The following ERBB4 variants were observed in gnomAD, a reference collection of about 807,000 sequenced individuals.
ERBB4 encodes receptor tyrosine-protein kinase erbB-4.
A neutral mutation model predicts 158.0 loss-of-function variants in ERBB4; 42 were observed. The observed-to-expected ratio is 0.27, with a 90% CI of 0.21 to 0.34. ERBB4 has a LOEUF of 0.34. Ranked by LOEUF, ERBB4 falls within the 10% of genes least tolerant of loss-of-function variation. ERBB4 has a pLI of 1.00. For missense variants in ERBB4, 1,333 were observed against 1,624.1 expected, an observed-to-expected ratio of 0.82 and a Z score of 3.08; for synonymous variants, 583 against 558.7, an observed-to-expected ratio of 1.04 and a Z score of -0.61.
chr2:212,306,789 T>C (rs944136644), intron 1 of ERBB4, among the ~76,000 whole-genome samples: 1 of 151,326 alleles, frequency 6.6e-6, no homozygotes, highest in Non-Finnish European at 1.5e-5. Context: ...TTGGAAATGT[T>C]TATTATGAAG....
At chr2:212,323,288 A>G (rs12993440) in intron 1 of ERBB4, among the ~76,000 whole-genome samples, 18,214 of 150,484 alleles carry the variant, frequency 0.12, 2,394 homozygotes, top group African/African-American at 0.29. Context: ...CAAATTAGCC[A>G]TCATCCTATC....
chr2:211,599,513 C>CTGTGTGTGTGTGTG (rs6147153), intron 19 of ERBB4, among the ~76,000 whole-genome samples: 123 of 140,904 alleles, frequency 8.7e-4, no homozygotes, highest in Middle Eastern at 3.6e-3. Flanking sequence ...ATAATTTCTT[C>CTGTGTGTGTGTGTG]TGTGTGTGTG....
intron 20 of ERBB4, among the ~76,000 whole-genome samples, chr2:211,508,474 CA>C (rs1411364610): frequency 3.3e-5 from 5 of 152,104 alleles, no homozygotes; most frequent in Non-Finnish European, 7.4e-5. Flanking sequence ...AGTCAGGAAA[CA>C]ACAGATGCCG....
At chr2:212,192,024 A>ATATGTTATATAT (rs1490068464) in intron 1 of ERBB4, among the ~76,000 whole-genome samples, 2 of 39,274 alleles carry the variant, frequency 5.1e-5, no homozygotes, top group South Asian at 4.3e-4. Flanking sequence ...GTTATATGTT[A>ATATGTTATATAT]TATATGTTAT....
At chr2:211,978,913 A>G (rs891721689) in intron 2 of ERBB4, among the ~76,000 whole-genome samples, 2 of 152,178 alleles carry the variant, frequency 1.3e-5, no homozygotes, top group Non-Finnish European at 2.9e-5. Context: ...TTTTCCTGTA[A>G]TTCAACTTCT....
At chr2:211,474,068 A>T (rs945181354) in intron 20 of ERBB4, among the ~76,000 whole-genome samples, 57 of 152,090 alleles carry the variant, frequency 3.7e-4, no homozygotes, top group African/African-American at 1.3e-3. Flanking sequence ...GGCCAAAAAC[A>T]AAAAAATCTA....
At chr2:212,184,014 A>C (rs916746931) in intron 1 of ERBB4, among the ~76,000 whole-genome samples, 12 of 152,150 alleles carry the variant, frequency 7.9e-5, no homozygotes, top group African/African-American at 2.9e-4. Context: ...TCATTAAATC[A>C]TATTTATGAA....
chr2:212,266,249 CT>C (rs2085132879), intron 1 of ERBB4, among the ~76,000 whole-genome samples: 1 of 151,626 alleles, frequency 6.6e-6, no homozygotes, highest in Admixed American at 6.6e-5. Flanking sequence ...TAATTTTTTT[CT>C]CAAATATCTT....
Position 211,916,399 on chromosome 2 carries a change from C to T in ERBB4, c.421+31031G>A, listed in dbSNP as rs754647129. Reference sequence around the variant, plus strand: ...TTCACCATGTTGGCTAGGCTGGTCTCGAACTCCTGACCTCAGGTGATCTGT... The same window carrying T: ...TTCACCATGTTGGCTAGGCTGGTCTTGAACTCCTGACCTCAGGTGATCTGT... On this transcript the variant is annotated intron_variant, in intron 3 of 27. Coordinates refer to ENST00000342788, the MANE Select transcript of ERBB4 (RefSeq NM_005235.3). Among the ~76,000 whole-genome samples, 15 of 152,050 alleles carry T rather than the reference C, an allele frequency of 9.9e-5. No homozygotes were observed. The Middle Eastern group carries it at 0.01, about 103-fold the overall frequency.
chr2:211,557,556 A>G (rs1336223068), intron 20 of ERBB4, among the ~76,000 whole-genome samples: 2 of 151,996 alleles, frequency 1.3e-5, no homozygotes, highest in Non-Finnish European at 2.9e-5. Context: ...AATCAAAACC[A>G]CAAAAAGATA....
At chr2:211,893,076 A>T (rs2079010723) in intron 3 of ERBB4, among the ~76,000 whole-genome samples, 1 of 147,378 alleles carries the variant, frequency 6.8e-6, no homozygotes, top group Non-Finnish European at 1.5e-5. Context: ...GTTCATATGG[A>T]ACCAAAAAAG....
intron 1 of ERBB4, among the ~76,000 whole-genome samples, chr2:212,255,652 T>C (rs1228934091): frequency 6.6e-6 from 1 of 152,132 alleles, no homozygotes; most frequent in Admixed American, 6.6e-5. Flanking sequence ...TGGTAGAGCA[T>C]CCCTAAGCTG....
rs113803837 is a variant in ERBB4 at position 212,131,836 on chromosome 2, C to A, written c.83-6933G>T. On this transcript the variant is annotated intron_variant, in intron 1 of 27. Coordinates refer to ENST00000342788, the MANE Select transcript of ERBB4 (RefSeq NM_005235.3). The stretch of plus-strand genomic sequence containing the variant: ...GCAATGAATGTTTGTGTCACCTCAA[C>A]AGGTAAAGAACCATAACCAACTGAG... Among the ~76,000 whole-genome samples the A allele has an allele frequency of 6.9e-3, 1,053 of 152,242 alleles. 7 individuals are homozygous for A. The highest frequency in any genetic ancestry group is 0.024 in the Middle Eastern group (7 of 294).
intron 1 of ERBB4, among the ~76,000 whole-genome samples, chr2:212,405,231 GA>G (rs926108034): frequency 1.3e-5 from 2 of 151,812 alleles, no homozygotes; most frequent in Admixed American, 6.6e-5. Context: ...ACAAGCATAT[GA>G]AAAAAAATTT....
At chr2:211,582,015 A>G (rs991652430) in intron 19 of ERBB4, among the ~76,000 whole-genome samples, 2 of 152,078 alleles carry the variant, frequency 1.3e-5, no homozygotes, top group African/African-American at 2.4e-5. Context: ...ATCTCAAAAA[A>G]AAAAATTAAT....
At chr2:211,872,669 T>C (rs946081669) in intron 3 of ERBB4, among the ~76,000 whole-genome samples, 1 of 152,174 alleles carries the variant, frequency 6.6e-6, no homozygotes, top group African/African-American at 2.4e-5. Context: ...AAAATAATTA[T>C]TCAAGTCAGG....
chr2:211,924,391 G>A (rs1418495022), intron 3 of ERBB4, among the ~76,000 whole-genome samples: 1 of 151,886 alleles, frequency 6.6e-6, no homozygotes, highest in African/African-American at 2.4e-5. Context: ...TGGGTGATGG[G>A]TGCCCTAAAA....
At chr2:211,848,694 G>A (rs2077649309) in intron 3 of ERBB4, among the ~76,000 whole-genome samples, 1 of 151,914 alleles carries the variant, frequency 6.6e-6, no homozygotes, top group Non-Finnish European at 1.5e-5. Flanking sequence ...TACTATGCAG[G>A]GAAGAATCCA....
rs115884982 is a variant in ERBB4 at position 211,898,368 on chromosome 2, T to C, written c.421+49062A>G. Among the ~76,000 whole-genome samples, 532 of 152,280 alleles carry C rather than the reference T, an allele frequency of 3.5e-3. 3 individuals are homozygous for C. Among genetic ancestry groups the C allele is most frequent in the African/African-American group, 0.012 (507 of 41,572 alleles). On this transcript the variant is annotated intron_variant, in intron 3 of 27. Coordinates refer to ENST00000342788, the MANE Select transcript of ERBB4 (RefSeq NM_005235.3). ...ATTGATATTTCTTTTATATTTAATT[T>C]GTGCCTTTAGCCATAAGAATTAGGA...
Sources: allele counts gnomAD v4.1 joint callset (sites outside exome capture counted in the v4.1 genomes callset), GRCh38; gene constraint gnomAD v4.1.1; transcripts MANE v1.5; gene names NCBI Gene and HGNC (gene_info 2026-07-23, HGNC 2026-07-21).